Variants in GARNL3 observed in about 807,000 individuals in gnomAD.
GARNL3 encodes GTPase-activating Rap/Ran-GAP domain-like protein 3.
A neutral mutation model predicts 125.0 loss-of-function variants in GARNL3; 63 were observed. The ratio of observed to expected loss-of-function variants is 0.50; its 90% confidence interval spans 0.41 to 0.62. The LOEUF (loss-of-function observed/expected upper bound fraction) is 0.62. Among genes scored for constraint, GARNL3 ranks in the 20% least tolerant of loss-of-function variants. GARNL3 has a pLI of 0.00. For synonymous variants in GARNL3, 439 were observed against 457.5 expected, an observed-to-expected ratio of 0.96 and a Z score of 0.52; for missense variants, 994 against 1,244.0, an observed-to-expected ratio of 0.80 and a Z score of 3.02.
At chr9:127,310,699 A>G (rs1393111076) in intron 2 of GARNL3, among the ~76,000 whole-genome samples, 1 of 151,156 alleles carries the variant, frequency 6.6e-6, no homozygotes. Context: ...ACTTGAGCCC[A>G]GGAGGTGGAG....
At chr9:127,259,908 A>G (rs2063555664), upstream of GARNL3, among the ~76,000 whole-genome samples, 1 of 152,014 alleles carries the variant, frequency 6.6e-6, no homozygotes, top group Non-Finnish European at 1.5e-5. Context: ...TTAACCAGGC[A>G]TGTAGTCCCA....
At chr9:127,377,738 A>G (rs1172995526) in intron 22 of GARNL3, among the ~76,000 whole-genome samples, 1 of 149,104 alleles carries the variant, frequency 6.7e-6, no homozygotes, top group Non-Finnish European at 1.5e-5. Context: ...CAGTAAGCTG[A>G]GATCGTGCCA....
intron 1 of GARNL3, among the ~76,000 whole-genome samples, chr9:127,273,716 C>T (rs952837143): frequency 1.3e-5 from 2 of 152,012 alleles, no homozygotes; most frequent in African/African-American, 2.4e-5. Context: ...ATTTTATGTT[C>T]GTCATATACA....
intron 22 of GARNL3, among the ~76,000 whole-genome samples, chr9:127,373,360 T>C (rs191631629): frequency 6.6e-6 from 1 of 152,340 alleles, no homozygotes; most frequent in Non-Finnish European, 1.5e-5. Flanking sequence ...AACATAGGAA[T>C]ATAGGTTAAA....
At chr9:127,387,820 C>T (rs972452315) in intron 25 of GARNL3, among the ~76,000 whole-genome samples, 6 of 149,736 alleles carry the variant, frequency 4.0e-5, no homozygotes, top group Non-Finnish European at 5.9e-5. Context: ...GTGATAACAA[C>T]GACAAAACTC....
chr9:127,332,230 G>A, intron 7 of GARNL3, 44 bp from the exon 8 acceptor site: 1 of 1,433,130 alleles, frequency 7.0e-7, no homozygotes, highest in South Asian at 1.1e-5. Context: ...TATATACGCT[G>A]TGATGATAAA....
intron 22 of GARNL3, among the ~76,000 whole-genome samples, chr9:127,374,984 T>C (rs1055972678): frequency 1.3e-5 from 2 of 151,650 alleles, no homozygotes; most frequent in African/African-American, 2.4e-5. Context: ...AACTATTAAA[T>C]GGCTAAAATG....
intron 27 of GARNL3, among the ~76,000 whole-genome samples, chr9:127,391,637 G>T (rs1478843807): frequency 7.0e-6 from 1 of 143,122 alleles, no homozygotes; most frequent in African/African-American, 2.6e-5. Flanking sequence ...GGAGGTCAAG[G>T]CTGCAATGAG....
Position 127,393,188 on chromosome 9 carries a change from G to C in GARNL3, c.2976G>C (p.Pro992=), listed in dbSNP as rs199929694. 3 of 1,613,476 alleles carry C rather than the reference G, an allele frequency of 1.9e-6. No homozygotes were observed. Among genetic ancestry groups the C allele is most frequent in the African/African-American group, 2.7e-5 (2 of 74,936 alleles). ...CTGTGGCAGACAGAGAGGGCAGCCCGGTCTCCGGCAGCAGCCCCTTCCAGC... is the reference window on the plus strand; with the variant it reads ...CTGTGGCAGACAGAGAGGGCAGCCCCGTCTCCGGCAGCAGCCCCTTCCAGC... ...QDPVADREGS[P]VSGSSPFQLT... Residue 992 remains proline (P), a synonymous_variant, in exon 28 of 28, where the codon CCG becomes CCC. Transcript: ENST00000373387.
chr9:127,231,048 ATATTTTTTT>A (rs1253860958), intron 1 of GARNL3, among the ~76,000 whole-genome samples: 1 of 43,700 alleles, frequency 2.3e-5, no homozygotes, highest in East Asian at 4.6e-4. Flanking sequence ...ATATATATAT[ATATTTTTTT>A]TTTTTTTTTT....
intron 1 of GARNL3, among the ~76,000 whole-genome samples, chr9:127,237,390 G>T (rs540064249): frequency 6.6e-6 from 1 of 152,306 alleles, no homozygotes; most frequent in African/African-American, 2.4e-5. Context: ...CACTGACTCA[G>T]TTCCAAGTCA....
In GARNL3 at chr9:127,225,915, C is replaced by G. The variant is rs147068979; in HGVS notation, c.-29+1577C>G. On this transcript the variant is annotated intron_variant, in intron 1 of 10. Transcript: ENST00000439286. The stretch of plus-strand genomic sequence containing the variant: ...CCCTAGGCTGCTCTTCCCCCGGGGC[C>G]TCTCACGGGACTACAGCCGCCCGGG... 3.0e-3 allele frequency among the ~76,000 whole-genome samples: 461 copies of G among 151,896 alleles called. 1 individual carries two copies. The highest frequency in any genetic ancestry group is 0.01 in the Middle Eastern group (3 of 292).
In GARNL3 at chr9:127,363,985, G is replaced by A. The variant is rs916760421; in HGVS notation, c.2095-1315G>A. Reference sequence around the variant, plus strand: ...TTCTCATGATGCCTGCTTTACAGACGAAGACCTAAGGCCAGAGGCTAAGCC... The same window carrying A: ...TTCTCATGATGCCTGCTTTACAGACAAAGACCTAAGGCCAGAGGCTAAGCC... On this transcript the variant is annotated intron_variant, in intron 21 of 27. Coordinates refer to ENST00000373387, the MANE Select transcript of GARNL3 (RefSeq NM_032293.5). The A allele has an allele frequency of 3.3e-5, 5 of 152,104 alleles. No homozygotes were observed. The East Asian group carries it at 5.8e-4, about 18-fold the overall frequency. 9.4% of individuals were successfully genotyped at this position (152,104 alleles called of 1,614,324 possible).
At chr9:127,368,242 G>C (rs1414591314) in intron 22 of GARNL3, among the ~76,000 whole-genome samples, 1 of 151,810 alleles carries the variant, frequency 6.6e-6, no homozygotes, top group African/African-American at 2.4e-5. Flanking sequence ...CAGGGAGAAG[G>C]TGACTGCGTA....
At chr9:127,370,005 A>G (rs912739274) in intron 22 of GARNL3, among the ~76,000 whole-genome samples, 1 of 152,178 alleles carries the variant, frequency 6.6e-6, no homozygotes, top group African/African-American at 2.4e-5. Flanking sequence ...AGTGGTGCCC[A>G]AGGTGTCCTC....
At chr9:127,229,979 C>T (rs753926935) in intron 1 of GARNL3, among the ~76,000 whole-genome samples, 62 of 152,168 alleles carry the variant, frequency 4.1e-4, no homozygotes, top group Non-Finnish European at 6.9e-4. Context: ...AATGTAAAGG[C>T]GAAGGGAATA....
At chr9:127,391,629 A>G (rs565797785) in intron 27 of GARNL3, among the ~76,000 whole-genome samples, 1 of 141,286 alleles carries the variant, frequency 7.1e-6, no homozygotes, top group African/African-American at 2.6e-5. Flanking sequence ...TCCTTCTGGG[A>G]GGTCAAGGCT....
intron 2 of GARNL3, among the ~76,000 whole-genome samples, chr9:127,297,295 C>T (rs964598858): frequency 1.3e-5 from 2 of 152,006 alleles, no homozygotes; most frequent in Non-Finnish European, 1.5e-5. Flanking sequence ...CAGGCCACCA[C>T]GTCTGGCTAA....
intron 5 of GARNL3, 91 bp downstream of exon 5, chr9:127,318,218 TTGTC>T (rs772681838): frequency 8.4e-6 from 7 of 836,816 alleles, no homozygotes; most frequent in Non-Finnish European, 1.5e-5. Context: ...TACCTTTCCA[TTGTC>T]TTGAGCCTTG....
Sources: gnomAD v4.1 joint callset for allele counts (sites outside exome capture counted in the v4.1 genomes callset) on GRCh38, gnomAD v4.1.1 for gene constraint, MANE v1.5 for transcripts, NCBI Gene and HGNC (gene_info 2026-07-23, HGNC 2026-07-21) for gene names.